SLC22A4: variants seen among roughly 807,000 people sequenced by gnomAD.
SLC22A4 encodes the protein ET transporter.
A neutral mutation model predicts 56.6 loss-of-function variants in SLC22A4; 39 were observed. That is an observed-to-expected ratio of 0.69 (90% confidence interval 0.53 to 0.90). The LOEUF (loss-of-function observed/expected upper bound fraction) is 0.90, where lower values mean the gene tolerates loss of function less well. Ranked by LOEUF, SLC22A4 falls within the 40% of genes least tolerant of loss-of-function variation. SLC22A4 has a pLI of 0.00. For missense variants in SLC22A4, 594 were observed against 696.5 expected, an observed-to-expected ratio of 0.85 and a Z score of 1.66; for synonymous variants, 241 against 281.4, an observed-to-expected ratio of 0.86 and a Z score of 1.44.
Position 132,294,397 on chromosome 5 carries a change from T to C in SLC22A4, c.-220T>C. On this transcript the variant is annotated 5_prime_UTR_variant, in exon 1 of 10. Transcript: ENST00000200652. This position sits in a 1 kb window ranked among gnomAD's most constrained non-coding sequence, Gnocchi z 5.6. ...CCGGGGATGGGGGTGTGGTCCCAAG[T>C]GTACAGTGGCATCAAGCTCAGCGCG... The C allele has an allele frequency of 1.6e-6, 1 of 625,424 alleles. No homozygotes were observed. The highest frequency in any genetic ancestry group is 2.7e-5 in the Admixed American group (1 of 36,498). The allele number at this position is 625,424 out of a possible 1,614,324, so 38.7% of individuals were successfully genotyped here.
chr5:132,311,961 C>T (rs552044358), intron 1 of SLC22A4, 200 bp from the exon 2 acceptor site: 3 of 641,442 alleles, frequency 4.7e-6, no homozygotes, highest in Admixed American at 2.3e-5. Flanking sequence ...CAGTGACCTG[C>T]CCCAGGTTAC....
chr5:132,300,010 G>T (rs1300941185), intron 1 of SLC22A4, among the ~76,000 whole-genome samples: 5 of 152,128 alleles, frequency 3.3e-5, no homozygotes, highest in Non-Finnish European at 4.4e-5. Flanking sequence ...ATCCCATGTT[G>T]TATTTAGTTG....
chr5:132,337,069 C>G (rs1299416602), intron 8 of SLC22A4, among the ~76,000 whole-genome samples: 1 of 151,724 alleles, frequency 6.6e-6, no homozygotes, highest in African/African-American at 2.4e-5. Context: ...TTCTCCTATG[C>G]TCCTACACCC....
chr5:132,296,209 C>T (rs1213442241), intron 1 of SLC22A4, among the ~76,000 whole-genome samples: 1 of 152,168 alleles, frequency 6.6e-6, no homozygotes, highest in African/African-American at 2.4e-5. Context: ...GTGAGCAAGA[C>T]CTGTCTAGGC....
chr5:132,310,522 G>A (rs536754738), intron 1 of SLC22A4, among the ~76,000 whole-genome samples: 28 of 152,306 alleles, frequency 1.8e-4, no homozygotes, highest in African/African-American at 6.5e-4. Context: ...AGCCCCAGGC[G>A]AGGCAATCCT....
intron 3 of SLC22A4, among the ~76,000 whole-genome samples, chr5:132,316,367 G>A (rs986938107): frequency 3.3e-5 from 5 of 152,066 alleles, no homozygotes; most frequent in South Asian, 2.1e-4. Flanking sequence ...GCTGGTTTAG[G>A]AGGAAATGAC....
intron 8 of SLC22A4, among the ~76,000 whole-genome samples, chr5:132,336,805 A>C (rs1260984948): frequency 6.6e-6 from 1 of 151,756 alleles, no homozygotes; most frequent in Non-Finnish European, 1.5e-5. Flanking sequence ...GTGTGTGTAC[A>C]TAATGTTGTG....
chr5:132,297,404 G>C (rs1346866100), intron 1 of SLC22A4, among the ~76,000 whole-genome samples: 1 of 152,150 alleles, frequency 6.6e-6, no homozygotes, highest in Non-Finnish European at 1.5e-5. Context: ...ACCAGGGTAA[G>C]CAGGATGGAT....
Position 132,295,028 on chromosome 5 carries a change from C to A in SLC22A4, c.393+19C>A. The A allele has an allele frequency of 6.3e-7, 1 of 1,597,806 alleles. No homozygotes were observed. The highest frequency in any genetic ancestry group is 8.5e-7 in the Non-Finnish European group (1 of 1,172,718). On this transcript the variant is annotated intron_variant, in intron 1 of 9. Transcript: ENST00000200652. ...GACCGAGGTGGGTGCCAGGCCGAGA[C>A]CGTTGACCCGGGAGTGCCTGACCCT... is the stretch of plus-strand genomic sequence containing the variant.
intron 1 of SLC22A4, among the ~76,000 whole-genome samples, chr5:132,296,941 A>G (rs1201026544): frequency 3.3e-5 from 5 of 152,158 alleles, no homozygotes; most frequent in Non-Finnish European, 7.3e-5. Flanking sequence ...ATCATCACAC[A>G]TTCACACACA....
intron 8 of SLC22A4, among the ~76,000 whole-genome samples, chr5:132,338,885 G>A (rs550294356): frequency 2.0e-4 from 31 of 152,266 alleles, no homozygotes; most frequent in Admixed American, 7.8e-4. Flanking sequence ...GTCCTGAGGC[G>A]ACATACATCC....
intron 1 of SLC22A4, among the ~76,000 whole-genome samples, chr5:132,305,355 G>A (rs1056144631): frequency 6.6e-6 from 1 of 151,818 alleles, no homozygotes; most frequent in African/African-American, 2.4e-5. Flanking sequence ...AGAGAAAAGG[G>A]CAGAAAAAAT....
intron 5 of SLC22A4, 52 bp downstream of exon 5, chr5:132,327,455 T>C (rs762560356): frequency 1.3e-6 from 2 of 1,539,584 alleles, no homozygotes; most frequent in Middle Eastern, 1.7e-4. Flanking sequence ...TTCTTGATTT[T>C]ATGGAATTTA....
At chr5:132,308,813 G>C (rs997912745) in intron 1 of SLC22A4, among the ~76,000 whole-genome samples, 2 of 152,218 alleles carry the variant, frequency 1.3e-5, no homozygotes, top group African/African-American at 4.8e-5. Flanking sequence ...GGCAGGGAGA[G>C]GGGAGGTAAG....
At chr5:132,297,810 T>C (rs1403868375) in intron 1 of SLC22A4, among the ~76,000 whole-genome samples, 1 of 152,022 alleles carries the variant, frequency 6.6e-6, no homozygotes, top group African/African-American at 2.4e-5. Context: ...TAGCCAGGCA[T>C]GAGGGCATGT....
At chr5:132,323,033 T>C (rs1750589704) in intron 4 of SLC22A4, among the ~76,000 whole-genome samples, 1 of 152,182 alleles carries the variant, frequency 6.6e-6, no homozygotes, top group African/African-American at 2.4e-5. Flanking sequence ...AGACATACCC[T>C]CTTTTTGGAG....
intron 8 of SLC22A4, among the ~76,000 whole-genome samples, chr5:132,337,183 T>C (rs1271324911): frequency 6.6e-6 from 1 of 152,088 alleles, no homozygotes; most frequent in Non-Finnish European, 1.5e-5. Flanking sequence ...TATTCCCAAA[T>C]TGAACTCTAC....
In SLC22A4 at chr5:132,311,283, C is replaced by G. The variant is rs1295122667; in HGVS notation, c.394-878C>G. 12 of 152,372 alleles carry G rather than the reference C, an allele frequency of 7.9e-5. No homozygotes were observed. The East Asian group carries it at 1.9e-3, about 24-fold the overall frequency. The allele number at this position is 152,372 out of a possible 1,614,324, so 9.4% of individuals were successfully genotyped here. A position where few individuals can be genotyped will look rare whatever the true frequency, so the allele number is the denominator to read the frequency against. On this transcript the variant is annotated intron_variant, in intron 1 of 9. Coordinates refer to ENST00000200652, the MANE Select transcript of SLC22A4 (RefSeq NM_003059.3). ...AACCCAAGCCCAAAGTGCTCATTGG[C>G]ATCTGTTTGTTTATTTATTTGTTTT... is the stretch of plus-strand genomic sequence containing the variant.
intron 1 of SLC22A4, among the ~76,000 whole-genome samples, chr5:132,296,885 A>G (rs1054842824): frequency 2.0e-5 from 3 of 151,346 alleles, no homozygotes; most frequent in Admixed American, 2.0e-4. Flanking sequence ...CCAAGTCCAT[A>G]GCTACTCATG....
Sources: gnomAD v4.1 joint callset for allele counts (sites outside exome capture counted in the v4.1 genomes callset) on GRCh38, gnomAD v4.1.1 for gene constraint, Gnocchi (gnomAD v3.1) non-coding constraint, MANE v1.5 for transcripts, NCBI Gene and HGNC (gene_info 2026-07-23, HGNC 2026-07-21) for gene names.